The following A2ML1 variants were observed in gnomAD, a reference collection of about 807,000 sequenced individuals.
The protein encoded by A2ML1 is alpha-2-macroglobulin-like protein 1.
Under a neutral mutation model 181.9 loss-of-function variants are expected in A2ML1, and 161 were observed. That is an observed-to-expected ratio of 0.89 (90% CI 0.78 to 1.01). The LOEUF (loss-of-function observed/expected upper bound fraction) is 1.01. Among genes scored for constraint, A2ML1 ranks in the 50% least tolerant of loss-of-function variants. The probability of loss-of-function intolerance (pLI) is 0.00; values close to 1 mark genes in which losing one functional copy is unlikely to be tolerated. For missense variants in A2ML1, 1,670 were observed against 1,768.1 expected (o/e 0.94, Z 1.00); for synonymous variants, 663 against 666.8 (o/e 0.99, Z 0.09).
rs1420754865 is a variant in A2ML1 at position 8,843,500 on chromosome 12, A to C, written c.1476+139A>C. The C allele has an allele frequency of 2.1e-5, 15 of 704,442 alleles. No homozygotes were observed. The East Asian group carries it at 4.0e-4, about 19-fold the overall frequency. The allele number at this position is 704,442 out of a possible 1,614,324, so 43.6% of individuals were successfully genotyped here. On this transcript the variant is annotated intron_variant, in intron 12 of 35. Transcript: ENST00000299698. Reference sequence around the variant, plus strand: ...AAACAATTTTAAAGCCACACTAAAAAAGTAAAAGAACAGTTGACATTAATT... The same window carrying C: ...AAACAATTTTAAAGCCACACTAAAACAGTAAAAGAACAGTTGACATTAATT...
chr12:8,884,016 C>T (rs1316315587), intron 7 of A2ML1, among the ~76,000 whole-genome samples: 1 of 151,992 alleles, frequency 6.6e-6, no homozygotes, highest in Non-Finnish European at 1.5e-5. Flanking sequence ...GAACTCCTGG[C>T]CTCAAGTTAT....
downstream of A2ML1, among the ~76,000 whole-genome samples, chr12:8,879,384 G>C (rs537510008): frequency 5.9e-5 from 9 of 151,604 alleles, no homozygotes; most frequent in Non-Finnish European, 1.2e-4. Context: ...CCAGCTACTC[G>C]GGAGGCTGAG....
intron 4 of A2ML1, among the ~76,000 whole-genome samples, chr12:8,834,189 C>T (rs141273041): frequency 7.9e-5 from 12 of 152,220 alleles, no homozygotes; most frequent in African/African-American, 2.9e-4. Context: ...GGAACTATTT[C>T]AAACAATTTT....
chr12:8,836,400 G>T, intron 7 of A2ML1, 61 bp downstream of exon 7: 3 of 1,413,672 alleles, frequency 2.1e-6, no homozygotes, highest in Non-Finnish European at 3.0e-6. Flanking sequence ...CATGATGAGG[G>T]GATGACATGG....
chr12:8,845,248 G>C lies in A2ML1; in HGVS notation c.1477-194G>C, dbSNP rs919132697. ...GTTCTCAGCCAGACCTCCAACTGCA[G>C]GAGGAGCCACCAGGACCCGTTGGCA... On this transcript the variant is annotated intron_variant, in intron 12 of 35. Coordinates refer to ENST00000299698, the MANE Select transcript of A2ML1 (RefSeq NM_144670.6). 2.0e-6 allele frequency: 3 copies of C among 1,517,892 alleles called. No individual in the cohort carries two copies. The African/African-American group carries it at 4.1e-5, about 21-fold the overall frequency. 94.0% of individuals were successfully genotyped at this position (1,517,892 alleles called of 1,614,324 possible). A position where few individuals can be genotyped will look rare whatever the true frequency, so the allele number is the denominator to read the frequency against.
At chr12:8,862,009 C>G (rs1362710371) in intron 28 of A2ML1, among the ~76,000 whole-genome samples, 1 of 152,134 alleles carries the variant, frequency 6.6e-6, no homozygotes, top group Non-Finnish European at 1.5e-5. Flanking sequence ...ATCCACCTGC[C>G]TCGGCCTCCC....
At chr12:8,860,802 AG>A in intron 26 of A2ML1, 78 bp from the exon 27 acceptor site, 1 of 1,164,064 alleles carries the variant, frequency 8.6e-7, no homozygotes, top group Non-Finnish European at 1.3e-6. Flanking sequence ...TTCAGAGGGG[AG>A]GCTGTTTTGC....
intron 11 of A2ML1, 77 bp downstream of exon 11, chr12:8,841,613 T>C: frequency 6.8e-7 from 1 of 1,461,186 alleles, no homozygotes; most frequent in Non-Finnish European, 9.3e-7. Flanking sequence ...TCCTGTTTCC[T>C]ATTCTCCCCT....
intron 28 of A2ML1, among the ~76,000 whole-genome samples, chr12:8,862,456 T>C (rs6487424): frequency 0.94 from 142,850 of 152,104 alleles, 67,730 homozygotes; most frequent in East Asian, 1. Context: ...CCCCTCTTGG[T>C]CTTCCAAAGT....
intron 33 of A2ML1, among the ~76,000 whole-genome samples, chr12:8,874,028 T>A (rs112926794): frequency 0.15 from 22,267 of 151,898 alleles, 2,526 homozygotes; most frequent in African/African-American, 0.32. Context: ...AATTTTTTTT[T>A]AATTTGAGAT....
At chr12:8,825,824 A>AT in intron 3 of A2ML1, among the ~76,000 whole-genome samples, 1 of 152,204 alleles carries the variant, frequency 6.6e-6, no homozygotes, top group African/African-American at 2.4e-5. Context: ...TGGATATCCA[A>AT]TTTTCCCAGA....
Position 8,845,865 on chromosome 12 carries a change from T to TAAATA in A2ML1, c.1538-188_1538-184dup, listed in dbSNP as rs140753342. Among the ~76,000 whole-genome samples, 73,174 of 131,036 alleles carry TAAATA rather than the reference T, an allele frequency of 0.56. 20,428 individuals carry two copies. Among genetic ancestry groups the TAAATA allele is most frequent in the East Asian group, 0.96 (4,800 of 4,984 alleles). 86.0% of individuals were successfully genotyped at this position (131,036 alleles called of 152,430 possible). On this transcript the variant is annotated intron_variant, in intron 13 of 35. Coordinates refer to ENST00000299698, the MANE Select transcript of A2ML1 (RefSeq NM_144670.6). ...ACTCCGTCTCAAAAAAAAAAAAAAATAAATAAAATAAAATAAAATAAAATA... is the reference window on the plus strand; with the variant it reads ...ACTCCGTCTCAAAAAAAAAAAAAAATAAATAAAATAAAATAAAATAAAATAAAATA...
chr12:8,874,667 T>A, intron 34 of A2ML1, 140 bp downstream of exon 34: 1 of 687,710 alleles, frequency 1.5e-6, no homozygotes, highest in Non-Finnish European at 2.4e-6. Flanking sequence ...AATTATCTAA[T>A]CTCCTAAAAT....
rs2136943374 is a variant in A2ML1, at chr12:8,863,877, C to T, written c.3586C>T (p.Leu1196Phe). The T allele has an allele frequency of 1.2e-6, 2 of 1,614,230 alleles. No homozygotes were observed. Among genetic ancestry groups the T allele is most frequent in the Non-Finnish European group, 1.7e-6 (2 of 1,180,034 alleles). The change falls in exon 29 of 36, where the codon CTC becomes TTC. Residue 1196 changes from leucine to phenylalanine, a missense_variant. Leu to Phe is a conservative substitution (Grantham distance 22). Transcript: ENST00000299698. ...TGAGCCTGCGGCTGTAGATGTGGAA[C>T]TCACAGCATATGCATTGTTGGCCCA... ...WSEPAAVDVE[L>F]TAYALLAQLT...
Position 8,869,135 on chromosome 12 carries a change from C to T in A2ML1, c.4153C>T (p.Leu1385Phe). 6.2e-7 allele frequency: 1 copy of T among 1,614,032 alleles called. No homozygotes were observed. Among genetic ancestry groups the T allele is most frequent in the African/African-American group, 1.3e-5 (1 of 74,984 alleles). Residue 1385 changes from leucine (L) to phenylalanine (F), a missense_variant and splice_region_variant, in exon 33 of 36, where the codon CTT becomes TTT. Transcript: ENST00000299698. The stretch of plus-strand genomic sequence containing the variant: ...TTTTTTTTCTCCCTCTCTTATTCAG[C>T]TTCTCCAGCAACCCCTGGTGAAGAA... ...FSPMEGTNQL[L>F]LQQPLVKKVE... is the part of the protein sequence containing the mutation.
rs1201862429 is a variant in A2ML1, at chr12:8,874,985, A to G, written c.4339A>G (p.Ile1447Val). The G allele has an allele frequency of 6.2e-7, 1 of 1,614,202 alleles. No individual in the cohort carries two copies. Among genetic ancestry groups the G allele is most frequent in the East Asian group, 2.2e-5 (1 of 44,888 alleles). The change falls in exon 35 of 36, where the codon ATT becomes GTT. Residue 1447 changes from isoleucine (I) to valine (V), a missense_variant. By Grantham distance (29) the Ile-to-Val change is conservative. Transcript: ENST00000299698. ...DYYLPDEQAT[I>V]QYSDPCE is the part of the protein sequence containing the mutation. ...TCATTTCACAGATGAACAGGCAACA[A>G]TTCAGTATTCTGATCCCTGTGAATG...
intron 3 of A2ML1, among the ~76,000 whole-genome samples, chr12:8,824,222 G>GTTTTTTTTTTTTTTTTTTTT (rs34400836): frequency 1.1e-5 from 1 of 92,310 alleles, no homozygotes; most frequent in Non-Finnish European, 2.1e-5. Flanking sequence ...AGCTACTGGG[G>GTTTTTTTTTTTTTTTTTTTT]TTTTTTTTTT....
chr12:8,876,580 G>A lies in A2ML1; in HGVS notation c.*524G>A, dbSNP rs1208805593. 1 of 152,256 alleles carries A rather than the reference G, an allele frequency of 6.6e-6. No homozygotes were observed. Among genetic ancestry groups the A allele is most frequent in the Non-Finnish European group, 1.5e-5 (1 of 68,124 alleles). 9.4% of individuals were successfully genotyped at this position (152,256 alleles called of 1,614,324 possible). A position where few individuals can be genotyped will look rare whatever the true frequency, so the allele number is the denominator to read the frequency against. ...CGCAGCCCCTTGGAAGGCCAAGGCA[G>A]GAGAATCGCCTCAACACTGGAGGTG... is the stretch of plus-strand genomic sequence containing the variant. On this transcript the variant is annotated 3_prime_UTR_variant, in exon 36 of 36. Coordinates refer to ENST00000299698, the MANE Select transcript of A2ML1 (RefSeq NM_144670.6).
intron 33 of A2ML1, among the ~76,000 whole-genome samples, chr12:8,870,007 C>T (rs1565494586): frequency 6.6e-6 from 1 of 152,048 alleles, no homozygotes; most frequent in Non-Finnish European, 1.5e-5. Flanking sequence ...TTCATTTTAA[C>T]AAAACAAGAA....
Sources: allele counts gnomAD v4.1 joint callset (sites outside exome capture counted in the v4.1 genomes callset), GRCh38; gene constraint gnomAD v4.1.1; transcripts MANE v1.5; gene names NCBI Gene and HGNC (gene_info 2026-07-23, HGNC 2026-07-21).